Variants in RFFL observed in about 807,000 individuals in gnomAD.
RFFL encodes the protein E3 ubiquitin-protein ligase rififylin.
RFFL carries 16 observed loss-of-function variants against 40.4 expected under a neutral mutation model. The ratio of observed to expected loss-of-function variants is 0.40; its 90% CI spans 0.27 to 0.60. The LOEUF is 0.60. RFFL is among the 20% of genes least tolerant of loss of function. RFFL has a pLI of 0.47. For synonymous variants in RFFL, 154 were observed against 167.9 expected, an observed-to-expected ratio of 0.92 and a Z score of 0.64; for missense variants, 367 against 451.7, an observed-to-expected ratio of 0.81 and a Z score of 1.70.
upstream of RFFL, among the ~76,000 whole-genome samples, chr17:35,066,848 T>C (rs146774445): frequency 2.0e-4 from 30 of 152,222 alleles, 1 homozygote; most frequent in African/African-American, 7.2e-4. Flanking sequence ...AATTCTAATC[T>C]TGGTGTTCAG....
intron 1 of RFFL, among the ~76,000 whole-genome samples, chr17:35,040,339 C>A (rs1198704101): frequency 2.0e-5 from 3 of 151,152 alleles, no homozygotes; most frequent in African/African-American, 7.3e-5. Flanking sequence ...TGGTGGCTCA[C>A]ACCTGTAATC....
At chr17:35,073,219 C>T (rs913739052) in intron 1 of RFFL, among the ~76,000 whole-genome samples, 2 of 152,154 alleles carry the variant, frequency 1.3e-5, no homozygotes, top group Admixed American at 1.3e-4. Context: ...GAAATACATT[C>T]AGGCACTACC....
At chr17:35,016,622 T>C (rs781619128) in intron 4 of RFFL, 42 bp from the exon 5 acceptor site, 1 of 1,518,490 alleles carries the variant, frequency 6.6e-7, no homozygotes, top group Non-Finnish European at 9.1e-7. Flanking sequence ...AGCTCTTACC[T>C]CCCCAAGCTC....
chr17:35,029,318 T>C (rs1001701678), intron 1 of RFFL, among the ~76,000 whole-genome samples: 2 of 150,684 alleles, frequency 1.3e-5, no homozygotes, highest in South Asian at 2.1e-4. Context: ...AGAGGAGGAA[T>C]AGCCCTCTGA....
chr17:35,029,691 A>T (rs1363350283), intron 1 of RFFL, among the ~76,000 whole-genome samples: 63 of 149,342 alleles, frequency 4.2e-4, no homozygotes, highest in Middle Eastern at 6.9e-3. Context: ...CTAATTTTTT[A>T]TTTTTTTTTA....
chr17:35,020,480 C>T (rs899982672), intron 3 of RFFL, among the ~76,000 whole-genome samples: 1 of 150,754 alleles, frequency 6.6e-6, no homozygotes, highest in Non-Finnish European at 1.5e-5. Flanking sequence ...CTAACTAATG[C>T]CTGATGATCT....
intron 6 of RFFL, among the ~76,000 whole-genome samples, chr17:35,014,228 GC>G (rs1317395665): frequency 6.6e-6 from 1 of 152,086 alleles, no homozygotes; most frequent in Non-Finnish European, 1.5e-5. Context: ...TATAGCTTGT[GC>G]CCAGAGAGTA....
chr17:35,041,128 G>C (rs915477855), intron 1 of RFFL, among the ~76,000 whole-genome samples: 26 of 151,996 alleles, frequency 1.7e-4, no homozygotes, highest in South Asian at 6.2e-4. Context: ...TCCCTAACTA[G>C]AATAGAAACC....
intron 3 of RFFL, among the ~76,000 whole-genome samples, chr17:35,018,438 C>T (rs1414789316): frequency 6.6e-6 from 1 of 152,202 alleles, no homozygotes; most frequent in Non-Finnish European, 1.5e-5. Context: ...CCTCCTAATT[C>T]CATCACCATT....
chr17:35,082,502 T>C (rs1467875738), intron 1 of RFFL, among the ~76,000 whole-genome samples: 1 of 152,256 alleles, frequency 6.6e-6, no homozygotes, highest in African/African-American at 2.4e-5. Context: ...AAAAATTGTT[T>C]AAAGTGTTGC....
chr17:35,027,251 A>T (rs1385932261), intron 1 of RFFL, among the ~76,000 whole-genome samples: 1 of 152,180 alleles, frequency 6.6e-6, no homozygotes, highest in Non-Finnish European at 1.5e-5. Flanking sequence ...CACAGCACCT[A>T]TTATACTTTC....
In RFFL at chr17:35,021,523, G is replaced by C; in HGVS notation, c.439C>G (p.Arg147Gly). The change falls in exon 3 of 7, where the codon CGT (arginine) becomes GGT (glycine). Residue 147 changes from arginine (R) to glycine (G), a missense_variant. By Grantham distance (125) the Arg-to-Gly change is moderately radical. Coordinates refer to ENST00000394597, the MANE Select transcript of RFFL (RefSeq NM_001017368.2). Reference sequence around the variant, plus strand: ...AAGTCTGGGGACAAGGTGGAGGCACGAGTCCTGTCCTCCTGGGAGATTACA... The same window carrying C: ...AAGTCTGGGGACAAGGTGGAGGCACCAGTCCTGTCCTCCTGGGAGATTACA... ...QPVISQEDRTRASTLSPDFPE... is the reference protein window; with the variant it reads ...QPVISQEDRTGASTLSPDFPE... 6.2e-7 allele frequency: 1 copy of C among 1,611,466 alleles called. No homozygotes were observed. Among genetic ancestry groups the C allele is most frequent in the Middle Eastern group, 1.7e-4 (1 of 6,042 alleles).
At chr17:35,038,072 G>A (rs1476116745) in intron 1 of RFFL, among the ~76,000 whole-genome samples, 3 of 152,100 alleles carry the variant, frequency 2.0e-5, no homozygotes, top group African/African-American at 7.2e-5. Context: ...CGGATCACCT[G>A]AGGTCAGAAG....
At chr17:35,013,556 C>T (rs190452727) in intron 6 of RFFL, among the ~76,000 whole-genome samples, 4 of 152,312 alleles carry the variant, frequency 2.6e-5, no homozygotes, top group Non-Finnish European at 5.9e-5. Context: ...TCTATACTTT[C>T]TCTTTTCTGG....
chr17:35,075,613 C>A (rs1421355132), intron 1 of RFFL, among the ~76,000 whole-genome samples: 1 of 152,152 alleles, frequency 6.6e-6, no homozygotes, highest in African/African-American at 2.4e-5. Flanking sequence ...TGTTTAACTA[C>A]CAAAATAACA....
intron 1 of RFFL, among the ~76,000 whole-genome samples, chr17:35,050,856 C>G (rs1295692650): frequency 6.6e-6 from 1 of 152,136 alleles, no homozygotes; most frequent in Non-Finnish European, 1.5e-5. Flanking sequence ...CCTATAATCC[C>G]AACTACTCTG....
At chr17:35,031,919 C>T (rs868309279) in intron 1 of RFFL, among the ~76,000 whole-genome samples, 12 of 151,834 alleles carry the variant, frequency 7.9e-5, no homozygotes, top group Non-Finnish European at 1.6e-4. Context: ...CAGGGTGAAA[C>T]CCCGTCTCTA....
At position 35,078,516 on chromosome 17, in the gene RFFL, G is replaced by C. The variant is rs139695246; in HGVS notation, c.-9+10589C>G. Among the ~76,000 whole-genome samples, 831 of 152,258 alleles carry C rather than the reference G, an allele frequency of 5.5e-3. 10 individuals are homozygous for C. Among genetic ancestry groups the C allele is most frequent in the African/African-American group, 0.019 (796 of 41,538 alleles). On this transcript the variant is annotated intron_variant, in intron 1 of 6. Coordinates refer to the RFFL transcript ENST00000315249. The stretch of plus-strand genomic sequence containing the variant: ...AAGGTTTTGCTATGTTGCCCAGGCT[G>C]GTCTTGATCTCCTGGGCTCCAGTGA...
chr17:35,043,688 T>C (rs990562483), intron 1 of RFFL, among the ~76,000 whole-genome samples: 3 of 152,232 alleles, frequency 2.0e-5, no homozygotes, highest in African/African-American at 7.2e-5. Flanking sequence ...CCTGAAGTCC[T>C]TTCTCAGAAG....
Sources: gnomAD v4.1 joint callset for allele counts (sites outside exome capture counted in the v4.1 genomes callset) on GRCh38, gnomAD v4.1.1 for gene constraint, MANE v1.5 for transcripts, NCBI Gene and HGNC (gene_info 2026-07-23, HGNC 2026-07-21) for gene names.